Variants in RIC8B observed in about 807,000 individuals in gnomAD.
The protein encoded by RIC8B is RIC8 guanine nucleotide exchange factor B, also known as chaperone Ric-8B.
Under a neutral mutation model 57.5 loss-of-function variants are expected in RIC8B, and 16 were observed. The ratio of observed to expected loss-of-function variants is 0.28; its 90% CI spans 0.19 to 0.42. The LOEUF (loss-of-function observed/expected upper bound fraction) is 0.42, where lower values mean the gene tolerates loss of function less well. RIC8B is among the 10% of genes least tolerant of loss of function. The probability of loss-of-function intolerance (pLI) is 1.00; values close to 1 mark genes in which losing one functional copy is unlikely to be tolerated. For synonymous variants in RIC8B, 216 were observed against 250.8 expected (o/e 0.86, Z 1.31); for missense variants, 481 against 677.0 (o/e 0.71, Z 3.21).
chr12:106,830,873 T>C (rs896365651), intron 4 of RIC8B, among the ~76,000 whole-genome samples: 4 of 152,174 alleles, frequency 2.6e-5, no homozygotes, highest in Non-Finnish European at 5.9e-5. Context: ...TAGAGAGATA[T>C]CACAGATTTT....
intron 8 of RIC8B, among the ~76,000 whole-genome samples, chr12:106,866,651 G>T (rs1950151287): frequency 6.6e-6 from 1 of 151,900 alleles, no homozygotes; most frequent in Admixed American, 6.6e-5. Flanking sequence ...ATGTCCTATT[G>T]GTTATTTGGT....
At chr12:106,774,907 A>G (rs1566018374) in intron 1 of RIC8B, 78 bp downstream of exon 1, 17 of 1,055,716 alleles carry the variant, frequency 1.6e-5, no homozygotes, top group Non-Finnish European at 2.3e-5. Flanking sequence ...ATCCTTCCCC[A>G]CCCCCCTCAT....
chr12:106,804,435 G>A lies in RIC8B; in HGVS notation c.133-10261G>A, dbSNP rs558098072. The stretch of plus-strand genomic sequence containing the variant: ...TCACCATGTTGGCCAGGCTGGTCTC[G>A]GAACTTCTGACCTCAAGTGATCCGC... On this transcript the variant is annotated intron_variant, in intron 2 of 9. Coordinates refer to ENST00000392837, the MANE Select transcript of RIC8B (RefSeq NM_001330145.2). Among the ~76,000 whole-genome samples, 162 of 152,100 alleles carry A rather than the reference G, an allele frequency of 1.1e-3. 1 individual carries two copies. The highest frequency in any genetic ancestry group is 1.5e-3 in the Non-Finnish European group (105 of 67,964).
chr12:106,819,273 C>T (rs2045728370), intron 3 of RIC8B, among the ~76,000 whole-genome samples: 1 of 152,062 alleles, frequency 6.6e-6, no homozygotes, highest in Non-Finnish European at 1.5e-5. Flanking sequence ...CAAGTTCCTC[C>T]CTCTCACTTT....
chr12:106,809,253 G>A (rs909771915), intron 2 of RIC8B, among the ~76,000 whole-genome samples: 1 of 152,218 alleles, frequency 6.6e-6, no homozygotes, highest in African/African-American at 2.4e-5. Flanking sequence ...ACCGGGCATG[G>A]TGGCTCAGGC....
At chr12:106,777,156 C>T (rs185503129) in intron 1 of RIC8B, among the ~76,000 whole-genome samples, 3 of 152,294 alleles carry the variant, frequency 2.0e-5, no homozygotes, top group Non-Finnish European at 4.4e-5. Flanking sequence ...AGGTACTGTG[C>T]CTGGCGAGAA....
chr12:106,823,595 CTAGT>C, intron 3 of RIC8B: 1 of 343,084 alleles, frequency 2.9e-6, no homozygotes, highest in Non-Finnish European at 5.7e-6. Context: ...AGTGTATTCC[CTAGT>C]TAATTTTTAA....
chr12:106,840,621 G>A (rs188798763), intron 4 of RIC8B, among the ~76,000 whole-genome samples: 39 of 152,282 alleles, frequency 2.6e-4, no homozygotes, highest in African/African-American at 8.9e-4. Flanking sequence ...AATTAATTTT[G>A]TAGTTGTTTG....
chr12:106,848,631 TG>T (rs1490233553), intron 6 of RIC8B, among the ~76,000 whole-genome samples: 3 of 152,112 alleles, frequency 2.0e-5, no homozygotes, highest in African/African-American at 7.2e-5. Context: ...AATATGCTGA[TG>T]GATAGATATT....
In RIC8B at chr12:106,888,165, T is replaced by C. The variant is rs946126940; in HGVS notation, c.*2150T>C. 6.6e-6 allele frequency: 1 copy of C among 152,406 alleles called. No individual in the cohort carries two copies. The highest frequency in any genetic ancestry group is 2.4e-5 in the African/African-American group (1 of 41,464). The allele number at this position is 152,406 out of a possible 1,614,324, so 9.4% of individuals were successfully genotyped here. On this transcript the variant is annotated 3_prime_UTR_variant, in exon 10 of 10. Coordinates refer to ENST00000392837, the MANE Select transcript of RIC8B (RefSeq NM_001330145.2). Reference sequence around the variant, plus strand: ...TAATGAAATGCCATCTTACCAGCTTTCTTTATGCAGAGTAAGTGTTTGAAC... The same window carrying C: ...TAATGAAATGCCATCTTACCAGCTTCCTTTATGCAGAGTAAGTGTTTGAAC...
At chr12:106,838,986 CAAA>C (rs78368727) in intron 4 of RIC8B, among the ~76,000 whole-genome samples, 1 of 103,250 alleles carries the variant, frequency 9.7e-6, no homozygotes. Context: ...AGGGTTATTC[CAAA>C]AAAAAAAAAA....
At position 106,879,230 on chromosome 12, in the gene RIC8B, A is replaced by G. The variant is rs1950808784; in HGVS notation, c.1572-6674A>G. The G allele has an allele frequency of 4.1e-6, 4 of 985,688 alleles. No individual in the cohort carries two copies. The highest frequency in any genetic ancestry group is 4.8e-6 in the Non-Finnish European group (4 of 829,930). 61.1% of individuals were successfully genotyped at this position (985,688 alleles called of 1,614,324 possible). ...TTTTCAACAAGTACACTTGAATTGAATGTTTTGTTTGTATTGCACAAAAAC... is the reference window on the plus strand; with the variant it reads ...TTTTCAACAAGTACACTTGAATTGAGTGTTTTGTTTGTATTGCACAAAAAC... On this transcript the variant is annotated intron_variant, in intron 9 of 9. Coordinates refer to ENST00000392837, the MANE Select transcript of RIC8B (RefSeq NM_001330145.2). This position sits in a 1 kb window ranked among gnomAD's most constrained non-coding sequence, Gnocchi z 4.9.
At chr12:106,840,818 C>T (rs954774173) in intron 4 of RIC8B, among the ~76,000 whole-genome samples, 1 of 152,122 alleles carries the variant, frequency 6.6e-6, no homozygotes, top group Non-Finnish European at 1.5e-5. Context: ...CCATCTGAAA[C>T]TTTTCAATCT....
chr12:106,803,373 G>A (rs768783960), intron 2 of RIC8B, among the ~76,000 whole-genome samples: 6 of 152,176 alleles, frequency 3.9e-5, no homozygotes, highest in Non-Finnish European at 7.4e-5. Flanking sequence ...AATGGTAAGT[G>A]ATCATTATAG....
chr12:106,781,536 C>A (rs1397154633), intron 1 of RIC8B, among the ~76,000 whole-genome samples: 1 of 152,130 alleles, frequency 6.6e-6, no homozygotes, highest in African/African-American at 2.4e-5. Flanking sequence ...AATAGATTGG[C>A]GCATTCCAGA....
intron 2 of RIC8B, among the ~76,000 whole-genome samples, chr12:106,795,060 C>A (rs1408309118): frequency 6.6e-6 from 1 of 152,108 alleles, no homozygotes; most frequent in Non-Finnish European, 1.5e-5. Context: ...CAGATGGTAA[C>A]TAGGATCCAC....
At chr12:106,800,694 A>G (rs1462378771) in intron 2 of RIC8B, among the ~76,000 whole-genome samples, 2 of 152,192 alleles carry the variant, frequency 1.3e-5, no homozygotes, top group East Asian at 3.9e-4. Flanking sequence ...TGCTTGGGCT[A>G]TTAGAGCTGA....
intron 4 of RIC8B, among the ~76,000 whole-genome samples, chr12:106,826,417 T>A (rs1042201785): frequency 2.0e-4 from 30 of 152,172 alleles, no homozygotes; most frequent in Non-Finnish European, 4.3e-4. Context: ...TTTTATTTTT[T>A]AAAAAAACTT....
intron 4 of RIC8B, among the ~76,000 whole-genome samples, chr12:106,830,095 T>C (rs1459106299): frequency 1.3e-5 from 2 of 152,218 alleles, no homozygotes; most frequent in African/African-American, 2.4e-5. Flanking sequence ...ATAGTAAGTT[T>C]TGAAATGAGT....
Sources: gnomAD v4.1 joint callset for allele counts (sites outside exome capture counted in the v4.1 genomes callset) on GRCh38, gnomAD v4.1.1 for gene constraint, Gnocchi (gnomAD v3.1) non-coding constraint, MANE v1.5 for transcripts, NCBI Gene and HGNC (gene_info 2026-07-23, HGNC 2026-07-21) for gene names.